Variants in ACTR1A observed in about 807,000 individuals in gnomAD.
The protein encoded by ACTR1A is alpha-centractin.
In ACTR1A, 10 loss-of-function variants were observed where a neutral mutation model predicts 50.7. That is an observed-to-expected ratio of 0.20 (90% CI 0.12 to 0.33). The LOEUF is 0.33. Among genes scored for constraint, ACTR1A ranks in the 10% least tolerant of loss-of-function variants. ACTR1A has a pLI of 1.00. For synonymous variants in ACTR1A, 177 were observed against 184.2 expected (o/e 0.96, Z 0.32); for missense variants, 253 against 491.7 (o/e 0.51, Z 4.59).
At chr10:102,500,942 G>A (rs763854851) in intron 1 of ACTR1A, among the ~76,000 whole-genome samples, 1 of 151,688 alleles carries the variant, frequency 6.6e-6, no homozygotes, top group South Asian at 2.1e-4. Flanking sequence ...GTGGTGGCGC[G>A]TGCCTGCAGC....
intron 5 of ACTR1A, 35 bp downstream of exon 5, chr10:102,485,574 C>T (rs776756683): frequency 1.2e-6 from 2 of 1,610,992 alleles, no homozygotes; most frequent in Non-Finnish European, 8.5e-7. Context: ...GGACTGCTTT[C>T]CCCGCAGGGG....
At position 102,479,375 on chromosome 10, in the gene ACTR1A, T is replaced by C. The variant is rs1407246038; in HGVS notation, c.*1488A>G. On this transcript the variant is annotated 3_prime_UTR_variant, in exon 11 of 11. Transcript: ENST00000369905. The surrounding 1 kb of genome is among the most constrained non-coding windows in gnomAD (Gnocchi z 4.0). ...CACTGCAGTCCGCGGGGCGCTACGT[T>C]GCTTTCACACATACCTGCTGCTGTG... 1.4e-5 allele frequency: 5 copies of C among 368,896 alleles called. No individual in the cohort carries two copies. The East Asian group carries it at 3.7e-4, about 27-fold the overall frequency. 22.9% of individuals were successfully genotyped at this position (368,896 alleles called of 1,614,324 possible). A position where few individuals can be genotyped will look rare whatever the true frequency, so the allele number is the denominator to read the frequency against.
intron 1 of ACTR1A, among the ~76,000 whole-genome samples, chr10:102,494,063 C>G (rs1285602947): frequency 6.6e-6 from 1 of 152,220 alleles, no homozygotes; most frequent in Admixed American, 6.6e-5. Context: ...AAATTCTGCT[C>G]AAGAGCATAC....
At chr10:102,481,498 A>G (rs1465722383) in intron 9 of ACTR1A, among the ~76,000 whole-genome samples, 1 of 152,162 alleles carries the variant, frequency 6.6e-6, no homozygotes, top group Non-Finnish European at 1.5e-5. Flanking sequence ...ACTGTGTGAC[A>G]GGGGAGCCAC....
At chr10:102,500,430 G>T (rs1564652296) in intron 1 of ACTR1A, among the ~76,000 whole-genome samples, 1 of 152,150 alleles carries the variant, frequency 6.6e-6, no homozygotes, top group Non-Finnish European at 1.5e-5. Context: ...TTAGCCGGGC[G>T]AGGTGACGGG....
At chr10:102,498,288 C>T (rs575590290) in intron 1 of ACTR1A, among the ~76,000 whole-genome samples, 1 of 150,958 alleles carries the variant, frequency 6.6e-6, no homozygotes, top group African/African-American at 2.4e-5. Flanking sequence ...TATACCACAC[C>T]GAATTTTTCT....
intron 1 of ACTR1A, among the ~76,000 whole-genome samples, chr10:102,499,770 C>G (rs1223647192): frequency 1.3e-5 from 2 of 152,182 alleles, no homozygotes; most frequent in Non-Finnish European, 2.9e-5. Flanking sequence ...TGGCTAAAGA[C>G]AGAAATCGTA....
At chr10:102,491,167 T>C (rs1277701883) in intron 1 of ACTR1A, among the ~76,000 whole-genome samples, 2 of 152,158 alleles carry the variant, frequency 1.3e-5, no homozygotes, top group Non-Finnish European at 2.9e-5. Context: ...ACATTGAACA[T>C]GTTTTGCTTT....
At chr10:102,493,494 A>AT (rs1365881105) in intron 1 of ACTR1A, among the ~76,000 whole-genome samples, 1 of 152,232 alleles carries the variant, frequency 6.6e-6, no homozygotes, top group East Asian at 1.9e-4. Flanking sequence ...AAACAGGCAG[A>AT]TTATGAAGTC....
intron 2 of ACTR1A, 116 bp downstream of exon 2, chr10:102,490,433 C>T: frequency 1.4e-6 from 1 of 701,104 alleles, no homozygotes; most frequent in Non-Finnish European, 2.4e-6. Context: ...CAAATTGTAC[C>T]ATGTAGACAA....
In ACTR1A at chr10:102,492,600, G is replaced by C. The variant is rs765881769; in HGVS notation, c.49-1987C>G. ...CCAAAGGCTTCCCAGCAACATGCCT[G>C]CTTCCCTCCTTGACTCTCTTATTCC... is the stretch of plus-strand genomic sequence containing the variant. On this transcript the variant is annotated intron_variant, in intron 1 of 10. Coordinates refer to ENST00000369905, the MANE Select transcript of ACTR1A (RefSeq NM_005736.4). 2.0e-4 allele frequency among the ~76,000 whole-genome samples: 30 copies of C among 152,328 alleles called. No homozygotes were observed. The Middle Eastern group carries it at 0.017, about 86-fold the overall frequency.
intron 1 of ACTR1A, among the ~76,000 whole-genome samples, chr10:102,498,723 T>TA (rs1564651902): frequency 6.6e-6 from 1 of 152,036 alleles, no homozygotes; most frequent in Non-Finnish European, 1.5e-5. Flanking sequence ...TCTTCCAGCC[T>TA]TGGCTTTCCA....
chr10:102,501,183 AAAC>A (rs1483344191), intron 1 of ACTR1A, among the ~76,000 whole-genome samples: 1 of 152,156 alleles, frequency 6.6e-6, no homozygotes, highest in Non-Finnish European at 1.5e-5. Flanking sequence ...AATTTAATGA[AAAC>A]AACAACAAAA....
chr10:102,495,449 G>T (rs2062215477), intron 1 of ACTR1A, among the ~76,000 whole-genome samples: 2 of 151,902 alleles, frequency 1.3e-5, no homozygotes, highest in African/African-American at 2.4e-5. Flanking sequence ...GGCGCCTGTA[G>T]TCCCAGCTAC....
At chr10:102,483,307 C>T (rs368193749) in intron 6 of ACTR1A, 72 of 531,626 alleles carry the variant, frequency 1.4e-4, no homozygotes, top group African/African-American at 1.1e-3. Flanking sequence ...AGTTCTTAAC[C>T]GCTCCACCTT....
At chr10:102,498,769 G>C (rs146470692) in intron 1 of ACTR1A, among the ~76,000 whole-genome samples, 362 of 152,060 alleles carry the variant, frequency 2.4e-3, no homozygotes, top group African/African-American at 8.3e-3. Context: ...CACCACATTT[G>C]GCCTGGATCT....
chr10:102,502,121 C>T (rs2062257158), intron 1 of ACTR1A, among the ~76,000 whole-genome samples: 1 of 152,226 alleles, frequency 6.6e-6, no homozygotes, highest in African/African-American at 2.4e-5. Context: ...CCAATCCCCA[C>T]AGCCCTGGAG....
chr10:102,496,106 T>C (rs2062221266), intron 1 of ACTR1A, among the ~76,000 whole-genome samples: 1 of 152,104 alleles, frequency 6.6e-6, no homozygotes, highest in East Asian at 1.9e-4. Context: ...CCACCACGCC[T>C]GGCTAATTTT....
At position 102,481,906 on chromosome 10, in the gene ACTR1A, G is replaced by C; in HGVS notation, c.926-8C>G. 6.2e-7 allele frequency: 1 copy of C among 1,613,094 alleles called. No individual in the cohort carries two copies. Among genetic ancestry groups the C allele is most frequent in the Non-Finnish European group, 8.5e-7 (1 of 1,180,042 alleles). On this transcript the variant is annotated splice_polypyrimidine_tract_variant and splice_region_variant and intron_variant, in intron 8 of 10. Coordinates refer to ENST00000369905, the MANE Select transcript of ACTR1A (RefSeq NM_005736.4). The stretch of plus-strand genomic sequence containing the variant: ...GGAGCCTGTCACCAAAACCTGAATG[G>C]GCAAAGAGGAGAACTTCAAGTCAAT...
Sources: gnomAD v4.1 joint callset for allele counts (sites outside exome capture counted in the v4.1 genomes callset) on GRCh38, gnomAD v4.1.1 for gene constraint, Gnocchi (gnomAD v3.1) non-coding constraint, MANE v1.5 for transcripts, NCBI Gene and HGNC (gene_info 2026-07-23, HGNC 2026-07-21) for gene names.